DYTN: variants seen among roughly 807,000 people sequenced by gnomAD.
The protein encoded by DYTN is dystrotelin.
DYTN carries 75 observed loss-of-function variants against 69.6 expected under a neutral mutation model. That is an observed-to-expected ratio of 1.08 (90% CI 0.89 to 1.31). The LOEUF is 1.31. Among genes scored for constraint, DYTN ranks in the 50% most tolerant of loss-of-function variants. The pLI is 0.00. For synonymous variants in DYTN, 252 were observed against 249.1 expected (o/e 1.01, Z -0.11); for missense variants, 726 against 688.4 (o/e 1.05, Z -0.61).
At chr2:206,692,578 T>G (rs1699876524) in intron 9 of DYTN, among the ~76,000 whole-genome samples, 1 of 152,202 alleles carries the variant, frequency 6.6e-6, no homozygotes. Context: ...TCTAGAATTT[T>G]GGGGGGCAAC....
chr2:206,711,012 A>G (rs1700074553), intron 1 of DYTN, among the ~76,000 whole-genome samples: 1 of 152,236 alleles, frequency 6.6e-6, no homozygotes, highest in East Asian at 1.9e-4. Context: ...CATTTAGCCA[A>G]TATTTATTGA....
At chr2:206,716,354 A>C (rs1700130718) in intron 1 of DYTN, among the ~76,000 whole-genome samples, 1 of 152,170 alleles carries the variant, frequency 6.6e-6, no homozygotes, top group Non-Finnish European at 1.5e-5. Context: ...AACATGCCAC[A>C]GGCCTCTCTC....
intron 2 of DYTN, among the ~76,000 whole-genome samples, chr2:206,708,206 A>G (rs1700046195): frequency 6.6e-6 from 1 of 152,170 alleles, no homozygotes; most frequent in African/African-American, 2.4e-5. Context: ...CCTTCTCCTA[A>G]AATTTTTACA....
chr2:206,685,296 GAACCACAGGC>G lies in DYTN; in HGVS notation c.980+7869_980+7878del, dbSNP rs1241019019. 3.3e-5 allele frequency among the ~76,000 whole-genome samples: 5 copies of G among 152,134 alleles called. No homozygotes were observed. The East Asian group carries it at 9.7e-4, about 29-fold the overall frequency. On this transcript the variant is annotated intron_variant, in intron 9 of 11. Coordinates refer to ENST00000452335, the MANE Select transcript of DYTN (RefSeq NM_001093730.1). ...CCCATCTCAGCCACCTGAATAGCGG[GAACCACAGGC>G]GTGCACCACCACGCCCAGATAATTT...
chr2:206,656,349 T>G (rs1699447758), intron 11 of DYTN, among the ~76,000 whole-genome samples: 1 of 152,196 alleles, frequency 6.6e-6, no homozygotes, highest in South Asian at 2.1e-4. Flanking sequence ...TTCCATACCT[T>G]CATTTTCAGC....
chr2:206,679,563 A>G (rs921350951), intron 9 of DYTN, among the ~76,000 whole-genome samples: 1 of 152,222 alleles, frequency 6.6e-6, no homozygotes, highest in African/African-American at 2.4e-5. Context: ...GGTCAGGTAT[A>G]TTCTGTTATA....
At chr2:206,705,154 T>C (rs1479071514) in intron 4 of DYTN, 1 of 544,310 alleles carries the variant, frequency 1.8e-6, no homozygotes, top group African/African-American at 1.9e-5. Flanking sequence ...TAGAGTGCAA[T>C]GGCACAATCT....
At chr2:206,697,183 T>C (rs905707344) in intron 7 of DYTN, among the ~76,000 whole-genome samples, 3 of 152,220 alleles carry the variant, frequency 2.0e-5, no homozygotes, top group African/African-American at 7.2e-5. Context: ...TCCTTAAATT[T>C]GTTCCTCTGT....
At chr2:206,688,329 CATT>C (rs1699833514) in intron 9 of DYTN, among the ~76,000 whole-genome samples, 1 of 152,170 alleles carries the variant, frequency 6.6e-6, no homozygotes. Context: ...TGTATTTTTT[CATT>C]AAGGCACATC....
intron 11 of DYTN, among the ~76,000 whole-genome samples, chr2:206,658,638 G>A (rs1267081172): frequency 6.6e-6 from 1 of 152,192 alleles, no homozygotes; most frequent in Non-Finnish European, 1.5e-5. Context: ...ACAGCCCCCA[G>A]AAGAGTTAGA....
chr2:206,668,292 G>A (rs1699595551), intron 9 of DYTN, among the ~76,000 whole-genome samples: 1 of 152,194 alleles, frequency 6.6e-6, no homozygotes, highest in Non-Finnish European at 1.5e-5. Flanking sequence ...TGGACAACTA[G>A]AAGACATAAA....
At chr2:206,675,215 G>T (rs28533005) in intron 9 of DYTN, among the ~76,000 whole-genome samples, 1 of 144,606 alleles carries the variant, frequency 6.9e-6, no homozygotes, top group African/African-American at 2.5e-5. Context: ...TTGTATTTAA[G>T]TGTATTTAAA....
At chr2:206,653,220 T>C (rs1162337424) in intron 11 of DYTN, among the ~76,000 whole-genome samples, 1 of 152,226 alleles carries the variant, frequency 6.6e-6, no homozygotes, top group Non-Finnish European at 1.5e-5. Flanking sequence ...AAACTTAAAA[T>C]ATAGCAATAA....
intron 9 of DYTN, among the ~76,000 whole-genome samples, chr2:206,676,640 GA>G (rs761152083): frequency 1.3e-5 from 2 of 152,172 alleles, no homozygotes; most frequent in Non-Finnish European, 2.9e-5. Context: ...TGAAAAGGGG[GA>G]AAATGGTTAA....
intron 11 of DYTN, among the ~76,000 whole-genome samples, chr2:206,661,798 A>G (rs2115588): frequency 0.12 from 18,741 of 152,116 alleles, 1,197 homozygotes; most frequent in Non-Finnish European, 0.14. Context: ...TTACATGCGA[A>G]TTTTCAACTG....
At chr2:206,703,887 A>G (rs79894618) in intron 5 of DYTN, among the ~76,000 whole-genome samples, 26,474 of 152,144 alleles carry the variant, frequency 0.17, 2,686 homozygotes, top group African/African-American at 0.26. Flanking sequence ...CAACAGGACA[A>G]CAGCACCCAC....
At chr2:206,697,680 T>G (rs1486066686) in intron 7 of DYTN, among the ~76,000 whole-genome samples, 1 of 152,210 alleles carries the variant, frequency 6.6e-6, no homozygotes. Flanking sequence ...AACCCCAAAC[T>G]GAGGTCTAGA....
At chr2:206,685,946 T>C (rs953240030) in intron 9 of DYTN, among the ~76,000 whole-genome samples, 4 of 150,296 alleles carry the variant, frequency 2.7e-5, no homozygotes, top group Non-Finnish European at 2.9e-5. Context: ...TGAAGTTATA[T>C]TGAAAAATGT....
chr2:206,699,773 G>A lies in DYTN; in HGVS notation c.673C>T (p.Pro225Ser), dbSNP rs370880332. The change falls in exon 7 of 12, where the codon CCT becomes TCT. Residue 225 changes from proline to serine, a missense_variant. By Grantham distance (74) the Pro-to-Ser change is moderately conservative (BLOSUM62 -1). Transcript: ENST00000452335. ...GTCCTGCAGAGAGTGCACCGAGCAG[G>A]GTGAGTGACCCTTTCAGCAGCTGAT... Reference protein sequence around the residue: ...RLSAAERVTHPARCTLCRTFP... With the variant: ...RLSAAERVTHSARCTLCRTFP... 90 of 1,613,674 alleles carry A rather than the reference G, an allele frequency of 5.6e-5. No individual in the cohort carries two copies. Among genetic ancestry groups the A allele is most frequent in the Non-Finnish European group, 5.7e-5 (67 of 1,179,804 alleles).
Sources: gnomAD v4.1 joint callset for allele counts (sites outside exome capture counted in the v4.1 genomes callset) on GRCh38, gnomAD v4.1.1 for gene constraint, MANE v1.5 for transcripts, NCBI Gene and HGNC (gene_info 2026-07-23, HGNC 2026-07-21) for gene names.